TLN2: variants seen among roughly 807,000 people sequenced by gnomAD.
TLN2 encodes the protein talin 2.
TLN2 carries 118 observed loss-of-function variants against 294.7 expected under a neutral mutation model. The observed-to-expected ratio is 0.40, with a 90% CI of 0.34 to 0.47. The LOEUF (loss-of-function observed/expected upper bound fraction) is 0.47, where lower values mean the gene tolerates loss of function less well. TLN2 is among the 20% of genes least tolerant of loss of function. The pLI, the probability that TLN2 is intolerant of heterozygous loss-of-function variation, is 0.84. For missense variants in TLN2, 3,083 were observed against 3,282.2 expected (o/e 0.94, Z 1.48); for synonymous variants, 1,431 against 1,304.5 (o/e 1.10, Z -2.09).
At chr15:62,459,818 T>G (rs1276725790) in intron 1 of TLN2, among the ~76,000 whole-genome samples, 104 of 152,316 alleles carry the variant, frequency 6.8e-4, no homozygotes, top group African/African-American at 2.2e-3. Flanking sequence ...GTGTCTGAGG[T>G]CCTAAGCTTT....
intron 1 of TLN2, among the ~76,000 whole-genome samples, chr15:62,469,274 T>TG: frequency 6.6e-6 from 1 of 152,222 alleles, no homozygotes. Flanking sequence ...CATGAGCAGA[T>TG]GCATTTTCTG....
At chr15:62,411,985 C>T (rs1334296953) in intron 1 of TLN2, among the ~76,000 whole-genome samples, 1 of 152,166 alleles carries the variant, frequency 6.6e-6, no homozygotes, top group Non-Finnish European at 1.5e-5. Flanking sequence ...AGTAAATTTA[C>T]ACAGCTCGCT....
chr15:62,752,258 T>C (rs1478621430), intron 34 of TLN2, 47 bp from the exon 35 acceptor site: 7 of 1,606,754 alleles, frequency 4.4e-6, no homozygotes, highest in African/African-American at 1.3e-5. Context: ...ACCCCTTGGT[T>C]TGAGGCAATG....
intron 1 of TLN2, among the ~76,000 whole-genome samples, chr15:62,517,735 CAT>C (rs1442809130): frequency 1.3e-5 from 2 of 152,184 alleles, no homozygotes; most frequent in Non-Finnish European, 2.9e-5. Flanking sequence ...GAAAAACAAA[CAT>C]GTTAATTCTA....
At chr15:62,741,748 C>CGCGCGCGCGTGTGTGTGTGTGT in intron 32 of TLN2, among the ~76,000 whole-genome samples, 22,780 of 131,034 alleles carry the variant, frequency 0.17, 2,231 homozygotes, top group East Asian at 0.27. Context: ...AAAATTTGCG[C>CGCGCGCGCGTGTGTGTGTGTGT]GTGTGTGTGT....
At chr15:62,796,092 T>G (rs1401410850) in intron 46 of TLN2, 35 bp from the exon 47 acceptor site, 1 of 1,607,860 alleles carries the variant, frequency 6.2e-7, no homozygotes. Flanking sequence ...TCTCTCCATT[T>G]CTTAGCTCCC....
At chr15:62,482,682 C>A (rs868794529) in intron 1 of TLN2, among the ~76,000 whole-genome samples, 4 of 147,364 alleles carry the variant, frequency 2.7e-5, no homozygotes, top group Middle Eastern at 7.2e-3. Context: ...TGTTATTAAT[C>A]TTTAAACTTT....
At chr15:62,601,673 A>G (rs925210045) in intron 2 of TLN2, among the ~76,000 whole-genome samples, 2 of 152,220 alleles carry the variant, frequency 1.3e-5, no homozygotes, top group Non-Finnish European at 1.5e-5. Flanking sequence ...CCTTGTTTAT[A>G]TACTAGAATA....
At chr15:62,772,209 A>G (rs2063389331) in intron 42 of TLN2, among the ~76,000 whole-genome samples, 1 of 152,114 alleles carries the variant, frequency 6.6e-6, no homozygotes, top group Non-Finnish European at 1.5e-5. Flanking sequence ...CTCCCCATTT[A>G]GCCTCCCAAG....
chr15:62,815,570 G>A (rs973346536), intron 52 of TLN2, among the ~76,000 whole-genome samples: 4 of 152,142 alleles, frequency 2.6e-5, no homozygotes, highest in Non-Finnish European at 4.4e-5. Flanking sequence ...ATGGAGAATC[G>A]GGGATCCTCT....
At chr15:62,637,155 T>C (rs555577992) in intron 3 of TLN2, 9 of 152,340 alleles carry the variant, frequency 5.9e-5, no homozygotes, top group African/African-American at 2.4e-5. Context: ...TCTAGACAAA[T>C]GGTAAATAAT....
chr15:62,789,385 G>A lies in TLN2; in HGVS notation c.5737-3256G>A, dbSNP rs141795523. The stretch of plus-strand genomic sequence containing the variant: ...GGCCTTCCTTGGAGCTTCTTAACTG[G>A]AATTTTATTTCTGATGACCACTGGG... On this transcript the variant is annotated intron_variant, in intron 45 of 58. Transcript: ENST00000636159. 1.6e-3 allele frequency among the ~76,000 whole-genome samples: 243 copies of A among 152,218 alleles called. 1 individual carries two copies. Among genetic ancestry groups the A allele is most frequent in the African/African-American group, 5.5e-3 (228 of 41,544 alleles).
chr15:62,573,189 C>T (rs1307291953), intron 1 of TLN2, among the ~76,000 whole-genome samples: 1 of 152,166 alleles, frequency 6.6e-6, no homozygotes, highest in African/African-American at 2.4e-5. Context: ...CCACCTTGAT[C>T]ACACCCCTCA....
In TLN2 at chr15:62,707,089, G is replaced by A; in HGVS notation, c.2008G>A (p.Val670Ile). 2.5e-6 allele frequency: 4 copies of A among 1,611,156 alleles called. No homozygotes were observed. Among genetic ancestry groups the A allele is most frequent in the South Asian group, 1.1e-5 (1 of 90,584 alleles). Residue 670 changes from valine (V) to isoleucine (I), a missense_variant, in exon 20 of 59, where the codon GTT becomes ATT. Transcript: ENST00000636159. ...ENETDERFQD[V>I]LMSLAKAVAN... Reference sequence around the variant, plus strand: ...GTCTTTGATTCCCTTTTCTTAGGATGTTTTAATGAGTTTGGCCAAAGCTGT... The same window carrying A: ...GTCTTTGATTCCCTTTTCTTAGGATATTTTAATGAGTTTGGCCAAAGCTGT...
At chr15:62,530,734 C>T (rs1262713825) in intron 1 of TLN2, among the ~76,000 whole-genome samples, 2 of 152,206 alleles carry the variant, frequency 1.3e-5, no homozygotes, top group East Asian at 1.9e-4. Flanking sequence ...AAGTTCTGTT[C>T]CCAGGACTTC....
chr15:62,472,087 T>C (rs1212545090), intron 1 of TLN2, among the ~76,000 whole-genome samples: 3 of 152,200 alleles, frequency 2.0e-5, no homozygotes. Flanking sequence ...ATTCAGCTCC[T>C]GTTCCCACCT....
intron 1 of TLN2, among the ~76,000 whole-genome samples, chr15:62,447,835 C>T (rs761177678): frequency 7.9e-5 from 12 of 152,284 alleles, no homozygotes; most frequent in African/African-American, 1.4e-4. Flanking sequence ...TGCTCGGCCC[C>T]GCCCCACTCA....
At chr15:62,581,566 G>C (rs1258860413) in intron 1 of TLN2, among the ~76,000 whole-genome samples, 3 of 152,152 alleles carry the variant, frequency 2.0e-5, no homozygotes, top group South Asian at 2.1e-4. Flanking sequence ...TAGGGTTCAG[G>C]GATGAGGGAA....
At chr15:62,544,995 T>A (rs1355511868) in intron 1 of TLN2, among the ~76,000 whole-genome samples, 2 of 152,134 alleles carry the variant, frequency 1.3e-5, no homozygotes, top group Non-Finnish European at 2.9e-5. Context: ...AGTGTTGCGA[T>A]CTCGGCTCAC....
Sources: allele counts gnomAD v4.1 joint callset (sites outside exome capture counted in the v4.1 genomes callset), GRCh38; gene constraint gnomAD v4.1.1; transcripts MANE v1.5; gene names NCBI Gene and HGNC (gene_info 2026-07-23, HGNC 2026-07-21).